ZNF736: variants seen among roughly 807,000 people sequenced by gnomAD.
ZNF736 encodes KRAB-containing zinc-finger repressor protein.
Under a neutral mutation model 11.7 loss-of-function variants are expected in ZNF736, and 6 were observed. That is an observed-to-expected ratio of 0.51 (90% CI 0.28 to 1.01). ZNF736 has a LOEUF of 1.01. Ranked by LOEUF, ZNF736 falls within the 50% of genes least tolerant of loss-of-function variation. The pLI is 0.09. For synonymous variants in ZNF736, 139 were observed against 164.7 expected, an observed-to-expected ratio of 0.84 and a Z score of 1.19; for missense variants, 444 against 496.0, an observed-to-expected ratio of 0.90 and a Z score of 1.00.
intron 1 of ZNF736, among the ~76,000 whole-genome samples, chr7:64,323,229 C>T (rs924878687): frequency 1.5e-4 from 23 of 152,132 alleles, no homozygotes; most frequent in African/African-American, 5.3e-4. Flanking sequence ...ATTATGGGCA[C>T]TCATTTGAAG....
chr7:64,340,536 C>T (rs1328992135), intron 3 of ZNF736, among the ~76,000 whole-genome samples: 1 of 152,158 alleles, frequency 6.6e-6, no homozygotes, highest in African/African-American at 2.4e-5. Flanking sequence ...TTAGTTCTAG[C>T]AGGTTTTAAA....
In ZNF736 at chr7:64,350,647, G is replaced by A. The variant is rs1323443281; in HGVS notation, c.*1500G>A. On this transcript the variant is annotated 3_prime_UTR_variant, in exon 4 of 4. Coordinates refer to ENST00000423484, the MANE Select transcript of ZNF736 (RefSeq NM_001170905.3). ...GCACTGATTGTGTCTTATCTTTGTGGGCATATCTTTGAGGTTGCTGACCTT... is the reference window on the plus strand; with the variant it reads ...GCACTGATTGTGTCTTATCTTTGTGAGCATATCTTTGAGGTTGCTGACCTT... The A allele has an allele frequency of 2.0e-5, 3 of 150,770 alleles. No individual in the cohort carries two copies. The highest frequency in any genetic ancestry group is 7.3e-5 in the African/African-American group (3 of 41,060). 9.3% of individuals were successfully genotyped at this position (150,770 alleles called of 1,614,324 possible). A position where few individuals can be genotyped will look rare whatever the true frequency, so the allele number is the denominator to read the frequency against.
chr7:64,341,182 A>G (rs1455078819), intron 3 of ZNF736, among the ~76,000 whole-genome samples: 1 of 152,008 alleles, frequency 6.6e-6, no homozygotes, highest in Non-Finnish European at 1.5e-5. Context: ...TTTTTTTAAA[A>G]TCTTTGTTCT....
At chr7:64,324,651 C>T (rs764894506) in intron 1 of ZNF736, among the ~76,000 whole-genome samples, 20 of 152,176 alleles carry the variant, frequency 1.3e-4, no homozygotes, top group Admixed American at 2.6e-4. Flanking sequence ...TGTCCTCAGA[C>T]GCTAAATCTG....
intron 1 of ZNF736, among the ~76,000 whole-genome samples, chr7:64,333,972 G>A (rs1267296504): frequency 1.3e-5 from 2 of 152,038 alleles, no homozygotes; most frequent in Non-Finnish European, 2.9e-5. Context: ...CAGAACAGAG[G>A]CCTCAGAAAT....
In ZNF736 at chr7:64,322,240, GT is replaced by G. The variant is rs1789013327; in HGVS notation, c.3+8089del. Reference sequence around the variant, plus strand: ...CGCTTGTTCTTTTAGGGATTATGCTGTTGTTTTTCATATAATAGCCATTCTC... The same window carrying G: ...CGCTTGTTCTTTTAGGGATTATGCTGTGTTTTTCATATAATAGCCATTCTC... On this transcript the variant is annotated intron_variant, in intron 1 of 3. Coordinates refer to ENST00000423484, the MANE Select transcript of ZNF736 (RefSeq NM_001170905.3). 2.0e-5 allele frequency among the ~76,000 whole-genome samples: 3 copies of G among 151,946 alleles called. No individual in the cohort carries two copies. In the South Asian group the frequency reaches 6.2e-4, roughly 32 times the overall value.
Position 64,330,826 on chromosome 7 carries a change from A to G in ZNF736, c.4-5433A>G, listed in dbSNP as rs1789154882. 2.6e-5 allele frequency among the ~76,000 whole-genome samples: 4 copies of G among 151,056 alleles called. No individual in the cohort carries two copies. The South Asian group carries it at 8.3e-4, about 31-fold the overall frequency. On this transcript the variant is annotated intron_variant, in intron 1 of 3. Coordinates refer to ENST00000423484, the MANE Select transcript of ZNF736 (RefSeq NM_001170905.3). ...AGTGTGTTCTCTTCTGGCCCAGGGT[A>G]TGTCTAGAACTGTCACTCAGGAACT...
At chr7:64,336,233 C>T (rs200360458) in intron 1 of ZNF736, 26 bp from the exon 2 acceptor site, 130 of 1,599,622 alleles carry the variant, frequency 8.1e-5, no homozygotes, top group Non-Finnish European at 1.1e-4. Flanking sequence ...TCTATGGTCA[C>T]TTGGTAAATA....
rs1322092372 is a variant in ZNF736, at chr7:64,355,946, T to TG, written c.*6804dup. ...ATCAGCCTTCAGTTCTGGGTTGATT[T>TG]GGGGGCAATTGGATGATATATAGAG... is the stretch of plus-strand genomic sequence containing the variant. On this transcript the variant is annotated 3_prime_UTR_variant, in exon 4 of 4. Transcript: ENST00000423484. The TG allele has an allele frequency of 6.8e-5, 13 of 190,608 alleles. 1 individual carries two copies. Among genetic ancestry groups the TG allele is most frequent in the Non-Finnish European group, 5.8e-5 (5 of 86,290 alleles). The allele number at this position is 190,608 out of a possible 1,614,324, so 11.8% of individuals were successfully genotyped here.
At chr7:64,341,979 GA>G (rs35347778) in intron 3 of ZNF736, among the ~76,000 whole-genome samples, 18,767 of 152,168 alleles carry the variant, frequency 0.12, 1,449 homozygotes, top group Non-Finnish European at 0.17. Context: ...ATTGATTCTT[GA>G]AAAGCCTCTT....
intron 3 of ZNF736, among the ~76,000 whole-genome samples, chr7:64,346,904 AT>A (rs1294245602): frequency 6.6e-6 from 1 of 150,452 alleles, no homozygotes; most frequent in Non-Finnish European, 1.5e-5. Context: ...AGGGTAATTT[AT>A]TTTTTTCTTT....
intron 1 of ZNF736, among the ~76,000 whole-genome samples, chr7:64,317,482 C>G (rs553051499): frequency 1.3e-5 from 2 of 151,948 alleles, no homozygotes; most frequent in Non-Finnish European, 2.9e-5. Flanking sequence ...GAGAATTTGT[C>G]CAGTACTGGG....
chr7:64,319,366 T>TATATATATAC (rs1554303202), intron 1 of ZNF736, among the ~76,000 whole-genome samples: 17 of 133,234 alleles, frequency 1.3e-4, no homozygotes, highest in African/African-American at 4.4e-4. Flanking sequence ...TATATATATA[T>TATATATATAC]ATATATATAT....
chr7:64,321,133 C>G (rs571459618), intron 1 of ZNF736, among the ~76,000 whole-genome samples: 6 of 152,282 alleles, frequency 3.9e-5, no homozygotes, highest in East Asian at 3.9e-4. Context: ...CCAAGAGTTG[C>G]TGATTATAGT....
chr7:64,345,615 G>C (rs979071634), intron 3 of ZNF736, among the ~76,000 whole-genome samples: 1 of 151,050 alleles, frequency 6.6e-6, no homozygotes, highest in Non-Finnish European at 1.5e-5. Context: ...TGTAGTCCCA[G>C]CTACTCAGGA....
chr7:64,323,214 A>G (rs1017270870), intron 1 of ZNF736, among the ~76,000 whole-genome samples: 26 of 152,250 alleles, frequency 1.7e-4, no homozygotes, highest in Non-Finnish European at 3.1e-4. Context: ...TTGTATCTTT[A>G]CCATATTATG....
intron 1 of ZNF736, among the ~76,000 whole-genome samples, chr7:64,330,351 G>A (rs1467003398): frequency 6.6e-6 from 1 of 152,008 alleles, no homozygotes; most frequent in African/African-American, 2.4e-5. Flanking sequence ...TAGAGACGGG[G>A]TTTCACTGTG....
intron 3 of ZNF736, among the ~76,000 whole-genome samples, chr7:64,340,566 A>G (rs1789323060): frequency 1.3e-5 from 2 of 152,120 alleles, no homozygotes; most frequent in South Asian, 4.1e-4. Context: ...TTGAAAAACA[A>G]AATTATTATA....
intron 1 of ZNF736, among the ~76,000 whole-genome samples, chr7:64,321,004 A>G (rs768695105): frequency 1.6e-4 from 25 of 152,202 alleles, no homozygotes; most frequent in Non-Finnish European, 3.1e-4. Flanking sequence ...CTAGAAGGAA[A>G]AGAATGGTTT....
Sources: gnomAD v4.1 joint callset for allele counts (sites outside exome capture counted in the v4.1 genomes callset) on GRCh38, gnomAD v4.1.1 for gene constraint, MANE v1.5 for transcripts, NCBI Gene and HGNC (gene_info 2026-07-23, HGNC 2026-07-21) for gene names.